The following MAP2K2 variants were observed in gnomAD, a reference collection of about 807,000 sequenced individuals.
The protein encoded by MAP2K2 is mitogen-activated protein kinase kinase 2, also known as dual specificity mitogen-activated protein kinase kinase 2.
In MAP2K2, 24 loss-of-function variants were observed where a neutral mutation model predicts 43.7. The ratio of observed to expected loss-of-function variants is 0.55; its 90% CI spans 0.40 to 0.77. The LOEUF is 0.77. Ranked by LOEUF, MAP2K2 falls within the 30% of genes least tolerant of loss-of-function variation. The pLI is 0.00. For missense variants in MAP2K2, 470 were observed against 566.8 expected (o/e 0.83, Z 1.73); for synonymous variants, 244 against 239.7 (o/e 1.02, Z -0.17).
chr19:4,118,938 T>C lies in MAP2K2; in HGVS notation c.93-1309A>G, dbSNP rs893014239. On this transcript the variant is annotated intron_variant, in intron 1 of 10. Transcript: ENST00000262948. The stretch of plus-strand genomic sequence containing the variant: ...TGGAGTAACAGACAACTAAGCGCAA[T>C]GCACACAGGAACCCATTGCTGTGCA... Among the ~76,000 whole-genome samples the C allele has an allele frequency of 3.3e-5, 5 of 152,348 alleles. No homozygotes were observed. In the South Asian group the frequency reaches 8.3e-4, roughly 25 times the overall value.
chr19:4,120,056 C>T (rs1273786256), intron 1 of MAP2K2, among the ~76,000 whole-genome samples: 2 of 152,226 alleles, frequency 1.3e-5, no homozygotes, highest in African/African-American at 2.4e-5. Context: ...TTCTCACCAT[C>T]GTCCCCGGAG....
chr19:4,102,899 A>C, intron 3 of MAP2K2: 1 of 1,153,248 alleles, frequency 8.7e-7, no homozygotes, highest in Non-Finnish European at 1.1e-6. Context: ...CCAGCACACG[A>C]AGGGAAGGGG....
At position 4,096,023 on chromosome 19, in the gene MAP2K2, C is replaced by T. The variant is rs571674058; in HGVS notation, c.985-574G>A. On this transcript the variant is annotated intron_variant, in intron 8 of 10. Transcript: ENST00000262948. The stretch of plus-strand genomic sequence containing the variant: ...CTCCTGACCTCAGGTGATCCACCCA[C>T]TGTGGCCTCCCAAAGTGCTGGAATT... Among the ~76,000 whole-genome samples the T allele has an allele frequency of 2.2e-3, 332 of 152,056 alleles. 1 individual carries two copies. The highest frequency in any genetic ancestry group is 7.5e-3 in the African/African-American group (309 of 41,300).
chr19:4,094,372 C>T (rs2040884459), intron 10 of MAP2K2, 81 bp downstream of exon 10: 4 of 1,467,442 alleles, frequency 2.7e-6, no homozygotes, highest in Non-Finnish European at 3.7e-6. Flanking sequence ...CCGGGCAGGG[C>T]CAGGCCCAGC....
At chr19:4,099,978 G>C (rs149245690) in intron 6 of MAP2K2, 2 of 166,602 alleles carry the variant, frequency 1.2e-5, no homozygotes, top group Admixed American at 1.3e-4. Flanking sequence ...TGCCGGGCAC[G>C]GTGGCTCACG....
chr19:4,114,678 G>T (rs919479344), intron 2 of MAP2K2, among the ~76,000 whole-genome samples: 2 of 152,330 alleles, frequency 1.3e-5, no homozygotes, highest in East Asian at 3.9e-4. Flanking sequence ...GCCAGGCGCG[G>T]TGGCTCACGC....
chr19:4,120,234 C>G (rs1253466337), intron 1 of MAP2K2, among the ~76,000 whole-genome samples: 3 of 152,300 alleles, frequency 2.0e-5, no homozygotes, highest in East Asian at 3.9e-4. Flanking sequence ...CCAGAAGAAG[C>G]AGAAATGGCG....
In MAP2K2 at chr19:4,103,786, G is replaced by A. The variant is rs571478328; in HGVS notation, c.451-1333C>T. Among the ~76,000 whole-genome samples the A allele has an allele frequency of 1.1e-3, 163 of 152,290 alleles. 1 individual carries two copies. The highest frequency in any genetic ancestry group is 1.8e-3 in the Admixed American group (28 of 15,292). ...GCTTTGAGACCTCTAAAGCATACAC[G>A]TGACTCCATCCACCAGCTCCAGGCT... On this transcript the variant is annotated intron_variant, in intron 3 of 10. Transcript: ENST00000262948.
intron 10 of MAP2K2, among the ~76,000 whole-genome samples, chr19:4,091,085 C>T (rs1296143323): frequency 6.6e-6 from 1 of 152,222 alleles, no homozygotes; most frequent in Admixed American, 6.5e-5. Flanking sequence ...GGGTACTGAG[C>T]AGCGTCCCTG....
chr19:4,090,415 G>C lies in MAP2K2; in HGVS notation c.*183C>G. 1.6e-6 allele frequency: 1 copy of C among 644,356 alleles called. No individual in the cohort carries two copies. The highest frequency in any genetic ancestry group is 2.7e-5 in the East Asian group (1 of 36,618). The allele number at this position is 644,356 out of a possible 1,614,324, so 39.9% of individuals were successfully genotyped here. A position where few individuals can be genotyped will look rare whatever the true frequency, so the allele number is the denominator to read the frequency against. The stretch of plus-strand genomic sequence containing the variant: ...CGTCGCCCGTCCCCAGAGGCACCCC[G>C]GCCAGGACGGGCAGGAGAGGAGACC... On this transcript the variant is annotated 3_prime_UTR_variant, in exon 11 of 11. Coordinates refer to ENST00000262948, the MANE Select transcript of MAP2K2 (RefSeq NM_030662.4).
Position 4,110,555 on chromosome 19 carries a change from C to A in MAP2K2, c.404G>T (p.Gly135Val), listed in dbSNP as rs2041140884. ...CNSPYIVGFY[G>V]AFYSDGEISI... ...GATCTCCCCGTCACTGTAGAAGGCC[C>A]CGTAGAAGCCCACGATGTACGGCGA... Residue 135 changes from glycine (G) to valine (V), a missense_variant, in exon 3 of 11, where the codon GGG becomes GTG. Coordinates refer to ENST00000262948, the MANE Select transcript of MAP2K2 (RefSeq NM_030662.4). The A allele has an allele frequency of 1.2e-6, 2 of 1,613,962 alleles. No homozygotes were observed. The highest frequency in any genetic ancestry group is 1.7e-6 in the Non-Finnish European group (2 of 1,180,036).
In MAP2K2 at chr19:4,101,025, G is replaced by A. The variant is rs1044588100; in HGVS notation, c.699C>T (p.Tyr233=). ...MANSFVGTRS[Y]MAPERLQGTH... ...AGAGCCAGCGGGGACTCACAGCCAT[G>A]TAGGAGCGCGTGCCCACGAAGGAGT... is the stretch of plus-strand genomic sequence containing the variant. The change falls in exon 6 of 11, where the codon TAC becomes TAT. Residue 233 remains tyrosine, a synonymous_variant. Transcript: ENST00000262948. This position sits in a 1 kb window ranked among gnomAD's most constrained non-coding sequence, Gnocchi z 6.3. 6.4e-7 allele frequency: 1 copy of A among 1,558,932 alleles called. No individual in the cohort carries two copies. The highest frequency in any genetic ancestry group is 1.4e-5 in the African/African-American group (1 of 73,314).
intron 3 of MAP2K2, chr19:4,103,021 C>T (rs2041037468): frequency 9.5e-6 from 10 of 1,057,254 alleles, no homozygotes; most frequent in African/African-American, 1.7e-5. Flanking sequence ...CCTGCGGCTC[C>T]ACTGCTGGGC....
intron 9 of MAP2K2, 93 bp downstream of exon 9, chr19:4,095,295 T>C (rs1339257986): frequency 3.6e-6 from 4 of 1,115,294 alleles, no homozygotes; most frequent in Non-Finnish European, 5.2e-6. Flanking sequence ...GGATTCTGGA[T>C]GGGCAGGCTG....
chr19:4,119,960 CGCTGGA>C (rs1217598145), intron 1 of MAP2K2, among the ~76,000 whole-genome samples: 1 of 152,410 alleles, frequency 6.6e-6, no homozygotes, highest in South Asian at 2.1e-4. Flanking sequence ...GAGGCGATGG[CGCTGGA>C]GCTGGTGCTG....
At chr19:4,112,257 C>A (rs776011456) in intron 2 of MAP2K2, among the ~76,000 whole-genome samples, 1 of 152,158 alleles carries the variant, frequency 6.6e-6, no homozygotes, top group South Asian at 2.1e-4. Context: ...GGGGTCAGGA[C>A]GGGAACAGGA....
intron 7 of MAP2K2, 140 bp downstream of exon 7, chr19:4,099,061 A>C (rs938216360): frequency 2.8e-6 from 2 of 706,854 alleles, no homozygotes; most frequent in Non-Finnish European, 4.8e-6. Flanking sequence ...CCATGGGAGG[A>C]CTGCTGACCA....
Position 4,100,687 on chromosome 19 carries a change from A to T in MAP2K2, c.705+332T>A, listed in dbSNP as rs534290435. On this transcript the variant is annotated intron_variant, in intron 6 of 10. Transcript: ENST00000262948. ...GTAAATTAACAAATAAAAAATAAAG[A>T]GCAAGGGGAATCCGAAAAGCAGGCT... The T allele has an allele frequency of 1.7e-4, 71 of 411,794 alleles. No individual in the cohort carries two copies. In the East Asian group the frequency reaches 3.1e-3, roughly 18 times the overall value. 25.5% of individuals were successfully genotyped at this position (411,794 alleles called of 1,614,324 possible).
chr19:4,094,595 G>C (rs539583316), intron 9 of MAP2K2, 97 bp from the exon 10 acceptor site: 47 of 1,176,596 alleles, frequency 4.0e-5, no homozygotes, highest in Non-Finnish European at 7.4e-6. Flanking sequence ...GGCCGTGGTC[G>C]GAGGGGGCCT....
Sources: allele counts gnomAD v4.1 joint callset (sites outside exome capture counted in the v4.1 genomes callset), GRCh38; gene constraint gnomAD v4.1.1; non-coding constraint Gnocchi (gnomAD v3.1); transcripts MANE v1.5; gene names NCBI Gene and HGNC (gene_info 2026-07-23, HGNC 2026-07-21).